The following PLAG1 variants were observed in gnomAD, a reference collection of about 807,000 sequenced individuals.
PLAG1 encodes PLAG1 zinc finger.
PLAG1 carries 7 observed loss-of-function variants against 35.5 expected under a neutral mutation model. The observed-to-expected ratio is 0.20, with a 90% CI of 0.11 to 0.37. The LOEUF (loss-of-function observed/expected upper bound fraction) is 0.37. Ranked by LOEUF, PLAG1 falls within the 10% of genes least tolerant of loss-of-function variation. The pLI, the probability that PLAG1 is intolerant of heterozygous loss-of-function variation, is 1.00. For synonymous variants in PLAG1, 229 were observed against 225.4 expected, an observed-to-expected ratio of 1.02 and a Z score of -0.14; for missense variants, 454 against 602.8, an observed-to-expected ratio of 0.75 and a Z score of 2.58.
intron 1 of PLAG1, among the ~76,000 whole-genome samples, chr8:56,196,786 CAT>C (rs200418305): frequency 0.011 from 1,683 of 152,124 alleles, 16 homozygotes; most frequent in Non-Finnish European, 0.015. Flanking sequence ...GTGCATAATA[CAT>C]GTGTGTGTGT....
At chr8:56,204,882 A>G (rs534895596) in intron 1 of PLAG1, among the ~76,000 whole-genome samples, 29 of 152,042 alleles carry the variant, frequency 1.9e-4, no homozygotes, top group African/African-American at 7.0e-4. Context: ...GCCTTTTAAG[A>G]AAAGATGCCC....
rs187601684 is a variant in PLAG1, at chr8:56,194,596, A to T, written c.-321-15083T>A. ...CACTGGGTGTGTGTGTGTGTGTGTG[A>T]ATGTATGTGTGTTTGTGTGTGTGTG... On this transcript the variant is annotated intron_variant, in intron 1 of 4. Transcript: ENST00000316981. Among the ~76,000 whole-genome samples the T allele has an allele frequency of 5.9e-3, 890 of 150,524 alleles. 9 individuals are homozygous for T. Among genetic ancestry groups the T allele is most frequent in the African/African-American group, 0.021 (847 of 40,886 alleles).
intron 2 of PLAG1, among the ~76,000 whole-genome samples, chr8:56,179,023 CAAAAAAAAAAAAA>C (rs1173709224): frequency 2.1e-4 from 9 of 42,934 alleles, no homozygotes; most frequent in Admixed American, 8.9e-4. Flanking sequence ...GCCCAGGAGA[CAAAAAAAAAAAAA>C]AAAAAAAAAA....
Position 56,165,104 on chromosome 8 carries a change from T to A in PLAG1, c.*1139A>T. ...TTGATTCTTAAGGGAAAGAAAAACA[T>A]ATCAAATTCAGCAAGAAATGATATA... On this transcript the variant is annotated 3_prime_UTR_variant, in exon 5 of 5. Transcript: ENST00000316981. 1 of 208,618 alleles carries A rather than the reference T, an allele frequency of 4.8e-6. No homozygotes were observed. The highest frequency in any genetic ancestry group is 9.8e-6 in the Non-Finnish European group (1 of 102,376). 12.9% of individuals were successfully genotyped at this position (208,618 alleles called of 1,614,324 possible).
chr8:56,179,951 T>G (rs1389144164), intron 1 of PLAG1, among the ~76,000 whole-genome samples: 1 of 152,098 alleles, frequency 6.6e-6, no homozygotes, highest in Non-Finnish European at 1.5e-5. Context: ...CCAGGCCACC[T>G]GTCCACAGAG....
At chr8:56,175,481 C>G (rs1166035353) in intron 2 of PLAG1, among the ~76,000 whole-genome samples, 1 of 152,146 alleles carries the variant, frequency 6.6e-6, no homozygotes, top group Non-Finnish European at 1.5e-5. Context: ...CCCAAAAATG[C>G]ATTTTATAAC....
intron 1 of PLAG1, among the ~76,000 whole-genome samples, chr8:56,203,781 T>C (rs1276392663): frequency 2.0e-5 from 3 of 151,926 alleles, no homozygotes; most frequent in East Asian, 1.9e-4. Context: ...TCCTATGAAA[T>C]TGAATAGTAA....
intron 1 of PLAG1, among the ~76,000 whole-genome samples, chr8:56,197,070 C>T (rs949441794): frequency 6.6e-6 from 1 of 151,922 alleles, no homozygotes; most frequent in Non-Finnish European, 1.5e-5. Flanking sequence ...GTCTCTCCCC[C>T]CAACTCTGGG....
At chr8:56,184,077 CAG>C (rs1811948323) in intron 1 of PLAG1, among the ~76,000 whole-genome samples, 1 of 152,162 alleles carries the variant, frequency 6.6e-6, no homozygotes, top group Admixed American at 6.5e-5. Context: ...CTCTGCAAAG[CAG>C]AGATCAACTG....
intron 1 of PLAG1, among the ~76,000 whole-genome samples, chr8:56,206,857 C>T (rs1355616391): frequency 6.6e-6 from 1 of 151,886 alleles, no homozygotes; most frequent in Admixed American, 6.6e-5. Flanking sequence ...ATTTATAGCC[C>T]TTTTACCTTG....
chr8:56,175,900 A>G (rs1442117013), intron 2 of PLAG1, among the ~76,000 whole-genome samples: 1 of 152,196 alleles, frequency 6.6e-6, no homozygotes, highest in African/African-American at 2.4e-5. Flanking sequence ...AGAGAGAATG[A>G]ACAGATAACC....
In PLAG1 at chr8:56,166,743, G is replaced by A; in HGVS notation, c.1003C>T (p.Pro335Ser). 1 of 1,614,080 alleles carries A rather than the reference G, an allele frequency of 6.2e-7. No individual in the cohort carries two copies. Among genetic ancestry groups the A allele is most frequent in the Non-Finnish European group, 8.5e-7 (1 of 1,179,982 alleles). Residue 335 changes from proline (P) to serine (S), a missense_variant, in exon 5 of 5, where the codon CCG (proline) becomes TCG (serine). Physicochemically the swap from Pro to Ser is moderately conservative, Grantham distance 74 (BLOSUM62 -1). Around this residue, in one of 4 missense-constraint regions of PLAG1, gnomAD observed 271 missense variants for 315.6 expected, o/e 0.86. Coordinates refer to ENST00000316981, the MANE Select transcript of PLAG1 (RefSeq NM_002655.3). ...HPSHHLSFKY[P>S]FSSTSYAISI... Reference sequence around the variant, plus strand: ...ATTGCATATGAGGTAGAACTGAACGGATATTTGAAAGAAAGGTGGTGAGAG... The same window carrying A: ...ATTGCATATGAGGTAGAACTGAACGAATATTTGAAAGAAAGGTGGTGAGAG...
chr8:56,166,581 C>T lies in PLAG1; in HGVS notation c.1165G>A (p.Gly389Arg). The T allele has an allele frequency of 1.2e-6, 2 of 1,613,818 alleles. No homozygotes were observed. The highest frequency in any genetic ancestry group is 1.1e-5 in the South Asian group (1 of 91,044). Residue 389 changes from glycine (G) to arginine (R), a missense_variant, in exon 5 of 5, where the codon GGG (glycine) becomes AGG (arginine). This residue lies in a region of PLAG1 where 271 missense variants were observed against 315.6 expected (regional missense o/e 0.86). Coordinates refer to ENST00000316981, the MANE Select transcript of PLAG1 (RefSeq NM_002655.3). ...TCTCCTGCACCATCATCTAGGGACC[C>T]AATCTGAGGATCCAACCCTAGCTTA... ...SSKLGLDPQI[G>R]SLDDGAGDLS...
rs1193230380 is a variant in PLAG1 at position 56,166,288 on chromosome 8, T to C, written c.1458A>G (p.Leu486=). ...AACGTGGGAGGGTGGTACTTGTGCT[T>C]AAACTGCTGGTGAAAGCTGCTGACA... ...HSLSAAFTSS[L]STSTTLPRFH... The change falls in exon 5 of 5, where the codon TTA becomes TTG. Residue 486 remains leucine, a synonymous_variant. Coordinates refer to ENST00000316981, the MANE Select transcript of PLAG1 (RefSeq NM_002655.3). The C allele has an allele frequency of 6.2e-7, 1 of 1,610,264 alleles. No homozygotes were observed. Among genetic ancestry groups the C allele is most frequent in the Non-Finnish European group, 8.5e-7 (1 of 1,178,418 alleles).
chr8:56,210,210 A>C (rs905765992), intron 1 of PLAG1, among the ~76,000 whole-genome samples: 2 of 152,232 alleles, frequency 1.3e-5, no homozygotes, highest in African/African-American at 4.8e-5. Flanking sequence ...CTTCAGGGGA[A>C]AGGCGGTACA....
rs773728791 is a variant in PLAG1, at chr8:56,166,592, T to C, written c.1154A>G (p.Asp385Gly). The change falls in exon 5 of 5, where the codon GAT becomes GGT. Residue 385 changes from aspartate to glycine, a missense_variant. Asp to Gly is a moderately conservative substitution (Grantham distance 94). Coordinates refer to ENST00000316981, the MANE Select transcript of PLAG1 (RefSeq NM_002655.3). The stretch of plus-strand genomic sequence containing the variant: ...ATCATCTAGGGACCCAATCTGAGGA[T>C]CCAACCCTAGCTTAGATGATGACGA... ...QASSSSKLGL[D>G]PQIGSLDDGA... is the part of the protein sequence containing the mutation. 2.5e-6 allele frequency: 4 copies of C among 1,613,992 alleles called. No homozygotes were observed. The South Asian group carries it at 4.4e-5, about 18-fold the overall frequency.
intron 1 of PLAG1, among the ~76,000 whole-genome samples, chr8:56,209,760 C>T (rs1435928041): frequency 6.6e-6 from 1 of 152,146 alleles, no homozygotes; most frequent in African/African-American, 2.4e-5. Context: ...ACTCCAGCCT[C>T]TCTGAGCACC....
At chr8:56,183,982 G>C (rs1811945960) in intron 1 of PLAG1, among the ~76,000 whole-genome samples, 1 of 152,070 alleles carries the variant, frequency 6.6e-6, no homozygotes, top group African/African-American at 2.4e-5. Flanking sequence ...TGATAAGTCG[G>C]ATTTCATCAA....
At position 56,167,043 on chromosome 8, in the gene PLAG1, T is replaced by C. The variant is rs1408546627; in HGVS notation, c.703A>G (p.Ser235Gly). 1 of 1,613,938 alleles carries C rather than the reference T, an allele frequency of 6.2e-7. No homozygotes were observed. Among genetic ancestry groups the C allele is most frequent in the East Asian group, 2.2e-5 (1 of 44,900 alleles). ...KDHLTRHMKK[S>G]HNQELLKVKT... ...ACCTTCAGAAGCTCTTGATTGTGAC[T>C]CTTCTTCATATGTCGAGTCAGGTGA... Residue 235 changes from serine (S) to glycine (G), a missense_variant, in exon 5 of 5, where the codon AGT (serine) becomes GGT (glycine). Physicochemically the swap from Ser to Gly is moderately conservative, Grantham distance 56. This residue lies in a region of PLAG1 where 271 missense variants were observed against 315.6 expected (regional missense o/e 0.86). Coordinates refer to ENST00000316981, the MANE Select transcript of PLAG1 (RefSeq NM_002655.3). The surrounding 1 kb of genome is among the most constrained non-coding windows in gnomAD (Gnocchi z 5.9).
Sources: allele counts gnomAD v4.1 joint callset (sites outside exome capture counted in the v4.1 genomes callset), GRCh38; gene constraint gnomAD v4.1.1; regional missense constraint gnomAD v4.1.1; non-coding constraint Gnocchi (gnomAD v3.1); transcripts MANE v1.5; gene names NCBI Gene and HGNC (gene_info 2026-07-23, HGNC 2026-07-21).